BTBD9: variants seen among roughly 807,000 people sequenced by gnomAD.
BTBD9 encodes the protein BTB/POZ domain-containing protein 9.
A neutral mutation model predicts 64.3 loss-of-function variants in BTBD9; 49 were observed. The ratio of observed to expected loss-of-function variants is 0.76; its 90% confidence interval spans 0.61 to 0.97. The LOEUF (loss-of-function observed/expected upper bound fraction) is 0.97. BTBD9 is among the 50% of genes least tolerant of loss of function. The pLI is 0.00. For missense variants in BTBD9, 598 were observed against 762.1 expected, an observed-to-expected ratio of 0.78 and a Z score of 2.53; for synonymous variants, 260 against 274.7, an observed-to-expected ratio of 0.95 and a Z score of 0.53.
chr6:38,311,576 C>T (rs1381360071), intron 7 of BTBD9, among the ~76,000 whole-genome samples: 1 of 152,100 alleles, frequency 6.6e-6, no homozygotes, highest in Non-Finnish European at 1.5e-5. Context: ...TACTGATTTC[C>T]TTTCTTTTGG....
At position 38,170,791 on chromosome 6, in the gene BTBD9, A is replaced by C. The variant is rs1436082770; in HGVS notation, c.*4194T>G. On this transcript the variant is annotated 3_prime_UTR_variant, in exon 11 of 11. Coordinates refer to ENST00000481247, the MANE Select transcript of BTBD9 (RefSeq NM_001099272.2). Reference sequence around the variant, plus strand: ...TCCTGCCGGGGCTGTTGTCAGGAAAAATATGCAGAATCAATGGCTGCAGCT... The same window carrying C: ...TCCTGCCGGGGCTGTTGTCAGGAAACATATGCAGAATCAATGGCTGCAGCT... 6.6e-6 allele frequency: 1 copy of C among 152,250 alleles called. No homozygotes were observed. 9.4% of individuals were successfully genotyped at this position (152,250 alleles called of 1,614,324 possible).
intron 9 of BTBD9, among the ~76,000 whole-genome samples, chr6:38,227,716 A>G (rs1200374318): frequency 6.6e-6 from 1 of 152,206 alleles, no homozygotes; most frequent in East Asian, 1.9e-4. Flanking sequence ...CAGAGCTCTG[A>G]GAGTATAATG....
intron 9 of BTBD9, among the ~76,000 whole-genome samples, chr6:38,201,948 A>G (rs947656356): frequency 6.6e-6 from 1 of 152,206 alleles, no homozygotes; most frequent in Non-Finnish European, 1.5e-5. Flanking sequence ...AGAGAATACA[A>G]ACAAATGGAA....
intron 6 of BTBD9, among the ~76,000 whole-genome samples, chr6:38,378,660 G>C (rs1161854303): frequency 6.6e-6 from 1 of 151,752 alleles, no homozygotes; most frequent in Non-Finnish European, 1.5e-5. Flanking sequence ...GACCGCTTGA[G>C]GTCAGGAGTT....
chr6:38,587,719 C>T (rs11557847), intron 4 of BTBD9: 2 of 654,626 alleles, frequency 3.1e-6, no homozygotes, highest in Admixed American at 2.0e-5. Flanking sequence ...AAAACCAGGA[C>T]CTTCCACTAA....
intron 6 of BTBD9, among the ~76,000 whole-genome samples, chr6:38,556,510 T>TGC (rs1260842767): frequency 6.9e-5 from 7 of 101,678 alleles, no homozygotes; most frequent in African/African-American, 3.0e-4. Flanking sequence ...CTATAAAGTG[T>TGC]GTGTGTGTGT....
At chr6:38,617,145 C>T (rs1582723811) in intron 1 of BTBD9, among the ~76,000 whole-genome samples, 1 of 152,168 alleles carries the variant, frequency 6.6e-6, no homozygotes, top group South Asian at 2.1e-4. Context: ...TCTCTAACAA[C>T]CCTTGCCTCT....
chr6:38,210,116 C>T (rs1389675129), intron 9 of BTBD9, among the ~76,000 whole-genome samples: 4 of 152,096 alleles, frequency 2.6e-5, no homozygotes, highest in Non-Finnish European at 5.9e-5. Context: ...TCACTCAGTA[C>T]CCCAGCCCCA....
At chr6:38,417,775 GGAGA>G (rs1554149267) in intron 6 of BTBD9, among the ~76,000 whole-genome samples, 6 of 135,640 alleles carry the variant, frequency 4.4e-5, no homozygotes, top group Non-Finnish European at 9.1e-5. Flanking sequence ...CCTGTCTCGA[GGAGA>G]GAGAGAGAGA....
At chr6:38,632,500 G>A (rs1447266544) in intron 1 of BTBD9, among the ~76,000 whole-genome samples, 2 of 152,204 alleles carry the variant, frequency 1.3e-5, no homozygotes, top group African/African-American at 4.8e-5. Flanking sequence ...GGAAATCTCA[G>A]GTAAACATTG....
chr6:38,214,580 G>A (rs546112476), intron 9 of BTBD9, among the ~76,000 whole-genome samples: 91 of 152,310 alleles, frequency 6.0e-4, no homozygotes, highest in Admixed American at 7.8e-4. Flanking sequence ...TTGGCCAGAA[G>A]AGCGAAAACA....
At chr6:38,472,322 A>G (rs1770686427) in intron 6 of BTBD9, among the ~76,000 whole-genome samples, 1 of 152,158 alleles carries the variant, frequency 6.6e-6, no homozygotes, top group Non-Finnish European at 1.5e-5. Flanking sequence ...ACAAACTTCT[A>G]CTGTAAATTA....
At chr6:38,187,646 G>A (rs920669203) in intron 10 of BTBD9, among the ~76,000 whole-genome samples, 34 of 152,270 alleles carry the variant, frequency 2.2e-4, no homozygotes, top group Admixed American at 1.0e-3. Flanking sequence ...GAGTGAAAGT[G>A]GAGTGTGCTG....
chr6:38,496,529 G>C (rs1279827336), intron 6 of BTBD9, among the ~76,000 whole-genome samples: 1 of 151,698 alleles, frequency 6.6e-6, no homozygotes, highest in African/African-American at 2.4e-5. Context: ...CACACATGTA[G>C]TCCCAACCAC....
chr6:38,571,713 C>G (rs1302440698), intron 6 of BTBD9: 2 of 152,332 alleles, frequency 1.3e-5, no homozygotes, highest in Non-Finnish European at 1.5e-5. Context: ...AATCCCAGCA[C>G]TTTGTGAGGC....
rs1353721556 is a variant in BTBD9, at chr6:38,375,922, AGAAAGAAAGAAAGAAAGAAGGAAAGAAG to A, written c.1155-30857_1155-30830del. Among the ~76,000 whole-genome samples, 577 of 143,368 alleles carry A rather than the reference AGAAAGAAAGAAAGAAAGAAGGAAAGAAG, an allele frequency of 4.0e-3. 8 individuals are homozygous for A. The highest frequency in any genetic ancestry group is 9.2e-3 in the African/African-American group (346 of 37,498). The allele number at this position is 143,368 out of a possible 152,430, so 94.1% of individuals were successfully genotyped here. On this transcript the variant is annotated intron_variant, in intron 6 of 10. Coordinates refer to ENST00000481247, the MANE Select transcript of BTBD9 (RefSeq NM_001099272.2). ...AAGAAAGAAAGAAAGAAAGAAAGAA[AGAAAGAAAGAAAGAAAGAAGGAAAGAAG>A]GAAAGAAAGAAAGAAAAAACGTGTA...
At chr6:38,274,773 C>T (rs1262634764) in intron 8 of BTBD9, among the ~76,000 whole-genome samples, 35 of 152,000 alleles carry the variant, frequency 2.3e-4, no homozygotes, top group Non-Finnish European at 4.4e-4. Flanking sequence ...CTGCTGGATT[C>T]GGTTTGCCAG....
In BTBD9 at chr6:38,613,544, C is replaced by A. The variant is rs955820660; in HGVS notation, c.-27-15423G>T. Among the ~76,000 whole-genome samples the A allele has an allele frequency of 2.6e-5, 4 of 151,982 alleles. No individual in the cohort carries two copies. The East Asian group carries it at 7.7e-4, about 29-fold the overall frequency. ...GGAGGTGGGGTGCAGGAGGTGGAGG[C>A]CGCAGTGAGCCAAGATCATGCCACA... On this transcript the variant is annotated intron_variant, in intron 1 of 10. Transcript: ENST00000481247.
chr6:38,456,026 C>T (rs1300754473), intron 6 of BTBD9, among the ~76,000 whole-genome samples: 1 of 151,826 alleles, frequency 6.6e-6, no homozygotes, highest in Non-Finnish European at 1.5e-5. Flanking sequence ...CTCTGTAGCC[C>T]AGGCTAGAGT....
Sources: gnomAD v4.1 joint callset for allele counts (sites outside exome capture counted in the v4.1 genomes callset) on GRCh38, gnomAD v4.1.1 for gene constraint, MANE v1.5 for transcripts, NCBI Gene and HGNC (gene_info 2026-07-23, HGNC 2026-07-21) for gene names.